The following TAB2 variants were observed in gnomAD, a reference collection of about 807,000 sequenced individuals.
TAB2 encodes TGF-beta-activated kinase 1 and MAP3K7-binding protein 2.
TAB2 carries 3 observed loss-of-function variants against 65.0 expected under a neutral mutation model. The observed-to-expected ratio is 0.05, with a 90% CI of 0.02 to 0.12. The LOEUF (loss-of-function observed/expected upper bound fraction) is 0.12, where lower values mean the gene tolerates loss of function less well. TAB2 is among the 10% of genes least tolerant of loss of function. TAB2 has a pLI of 1.00. For synonymous variants in TAB2, 298 were observed against 285.1 expected, an observed-to-expected ratio of 1.05 and a Z score of -0.46; for missense variants, 623 against 840.3, an observed-to-expected ratio of 0.74 and a Z score of 3.20.
chr6:149,343,871 A>G (rs1245569988), intron 1 of TAB2, among the ~76,000 whole-genome samples: 1 of 152,240 alleles, frequency 6.6e-6, no homozygotes, highest in Admixed American at 6.5e-5. Context: ...CTAAATGGGT[A>G]GATAATCATA....
chr6:149,352,249 G>C (rs1346047118), intron 1 of TAB2, among the ~76,000 whole-genome samples: 2 of 152,096 alleles, frequency 1.3e-5, no homozygotes, highest in African/African-American at 2.4e-5. Flanking sequence ...CCCAAAAACA[G>C]CTTTTATTTT....
chr6:149,304,785 T>G (rs541302615), intron 1 of TAB2, among the ~76,000 whole-genome samples: 1 of 152,244 alleles, frequency 6.6e-6, no homozygotes, highest in African/African-American at 2.4e-5. Flanking sequence ...TCCCACAGTA[T>G]CCTGGGAGGA....
intron 1 of TAB2, among the ~76,000 whole-genome samples, chr6:149,311,119 C>T (rs1438927744): frequency 2.0e-5 from 3 of 152,154 alleles, no homozygotes; most frequent in African/African-American, 7.2e-5. Flanking sequence ...GAATGGTATA[C>T]CTCCACCTTC....
intron 1 of TAB2, among the ~76,000 whole-genome samples, chr6:149,239,590 A>G (rs1387571511): frequency 6.6e-6 from 1 of 152,252 alleles, no homozygotes; most frequent in Non-Finnish European, 1.5e-5. Context: ...AGGTACTGGC[A>G]AGAAAAACCC....
chr6:149,253,281 A>G (rs1226186457), intron 1 of TAB2, among the ~76,000 whole-genome samples: 1 of 152,226 alleles, frequency 6.6e-6, no homozygotes, highest in Non-Finnish European at 1.5e-5. Context: ...TGATATGCCA[A>G]GATATACTCT....
chr6:149,315,129 G>A (rs1337782119), upstream of TAB2, among the ~76,000 whole-genome samples: 6 of 152,134 alleles, frequency 3.9e-5, no homozygotes, highest in Non-Finnish European at 5.9e-5. Context: ...ATTGTAAAAG[G>A]ATCTATCATC....
chr6:149,337,157 GTAT>G (rs1779958880), intron 1 of TAB2, among the ~76,000 whole-genome samples: 1 of 151,924 alleles, frequency 6.6e-6, no homozygotes, highest in Admixed American at 6.6e-5. Flanking sequence ...AGATTTTATT[GTAT>G]TATTACTAAA....
chr6:149,249,153 T>TAC (rs58209371), intron 1 of TAB2, among the ~76,000 whole-genome samples: 8 of 112,646 alleles, frequency 7.1e-5, no homozygotes, highest in East Asian at 3.6e-4. Context: ...CACACACACA[T>TAC]ACACACACAC....
At chr6:149,363,375 C>T (rs1412683141) in intron 1 of TAB2, among the ~76,000 whole-genome samples, 1 of 152,130 alleles carries the variant, frequency 6.6e-6, no homozygotes, top group Non-Finnish European at 1.5e-5. Flanking sequence ...CAGTCTTGAC[C>T]ATGGTTACCT....
chr6:149,241,830 C>T (rs370981154), intron 1 of TAB2, among the ~76,000 whole-genome samples: 7 of 152,258 alleles, frequency 4.6e-5, no homozygotes, highest in East Asian at 1.9e-4. Flanking sequence ...TGAACACATA[C>T]GAGTAGAAAG....
At position 149,317,995 on chromosome 6, in the gene TAB2, G is replaced by A; in HGVS notation, c.-110G>A. ...GCGGCGGCGGCCGAGGAGGAGGAGG[G>A]GGAAGCGGCGGCGGCAAAGGGTAAG... On this transcript the variant is annotated 5_prime_UTR_variant, in exon 1 of 7. Coordinates refer to ENST00000637181, the MANE Select transcript of TAB2 (RefSeq NM_001292034.3). The surrounding 1 kb of genome is among the most constrained non-coding windows in gnomAD (Gnocchi z 4.7). The A allele has an allele frequency of 5.9e-6, 1 of 170,904 alleles. No homozygotes were observed. The highest frequency in any genetic ancestry group is 1.2e-5 in the Non-Finnish European group (1 of 80,164). The allele number at this position is 170,904 out of a possible 1,614,324, so 10.6% of individuals were successfully genotyped here.
chr6:149,242,039 C>T (rs1162434354), intron 1 of TAB2, among the ~76,000 whole-genome samples: 2 of 152,130 alleles, frequency 1.3e-5, no homozygotes, highest in East Asian at 3.9e-4. Flanking sequence ...CTGCCTGGTG[C>T]CATTGGGCTC....
chr6:149,243,068 T>G (rs1345815049), intron 1 of TAB2, among the ~76,000 whole-genome samples: 1 of 152,254 alleles, frequency 6.6e-6, no homozygotes. Flanking sequence ...GCTCTTGGTC[T>G]CAGCCTCTGA....
intron 1 of TAB2, among the ~76,000 whole-genome samples, chr6:149,252,655 C>T (rs528568316): frequency 5.5e-4 from 84 of 152,178 alleles, no homozygotes; most frequent in Non-Finnish European, 9.6e-4. Flanking sequence ...AATATCTTGA[C>T]GCCCCTTAAA....
chr6:149,259,410 G>A (rs894190191), intron 1 of TAB2, among the ~76,000 whole-genome samples: 4 of 151,196 alleles, frequency 2.6e-5, no homozygotes, highest in Non-Finnish European at 4.4e-5. Context: ...CAAAGCCTAG[G>A]GAAGCAGTTT....
intron 6 of TAB2, among the ~76,000 whole-genome samples, chr6:149,402,051 C>T (rs1288720535): frequency 7.6e-6 from 1 of 132,156 alleles, no homozygotes; most frequent in South Asian, 2.4e-4. Flanking sequence ...AGTAGAAGAA[C>T]AACAAGCTAA....
At chr6:149,259,809 C>T (rs977197065) in intron 1 of TAB2, among the ~76,000 whole-genome samples, 1 of 152,162 alleles carries the variant, frequency 6.6e-6, no homozygotes, top group Admixed American at 6.5e-5. Flanking sequence ...GGCCCAAAGC[C>T]ACCCCTTCCA....
intron 1 of TAB2, among the ~76,000 whole-genome samples, chr6:149,256,338 T>C (rs1217285274): frequency 6.6e-6 from 1 of 152,210 alleles, no homozygotes; most frequent in Non-Finnish European, 1.5e-5. Flanking sequence ...TACTTGCATA[T>C]AGAATTTAAT....
intron 1 of TAB2, among the ~76,000 whole-genome samples, chr6:149,223,502 A>T (rs749344103): frequency 3.3e-5 from 5 of 152,218 alleles, no homozygotes; most frequent in Non-Finnish European, 7.3e-5. Flanking sequence ...TATGATCCAG[A>T]TTCCCGGCCT....
Sources: gnomAD v4.1 joint callset for allele counts (sites outside exome capture counted in the v4.1 genomes callset) on GRCh38, gnomAD v4.1.1 for gene constraint, Gnocchi (gnomAD v3.1) non-coding constraint, MANE v1.5 for transcripts, NCBI Gene and HGNC (gene_info 2026-07-23, HGNC 2026-07-21) for gene names.